Variants in SKAP2 observed in about 807,000 individuals in gnomAD.
SKAP2 encodes the protein src kinase-associated phosphoprotein 2.
A neutral mutation model predicts 54.9 loss-of-function variants in SKAP2; 28 were observed. The observed-to-expected ratio is 0.51, with a 90% CI of 0.38 to 0.70. The LOEUF (loss-of-function observed/expected upper bound fraction) is 0.70. SKAP2 is among the 30% of genes least tolerant of loss of function. The pLI is 0.00. For synonymous variants in SKAP2, 137 were observed against 134.3 expected (o/e 1.02, Z -0.14); for missense variants, 356 against 424.1 (o/e 0.84, Z 1.41).
At chr7:26,857,449 A>G (rs1584430513) in intron 1 of SKAP2, 3 of 984,836 alleles carry the variant, frequency 3.0e-6, no homozygotes, top group African/African-American at 1.7e-5. Flanking sequence ...TCTACACTTT[A>G]CCCGTTTCTT....
chr7:26,659,107 A>G, the SKAP2 span, among the ~76,000 whole-genome samples: 1 of 152,162 alleles, frequency 6.6e-6, no homozygotes, highest in Admixed American at 6.6e-5. Flanking sequence ...ACTGGACATA[A>G]TCTTTATTAA....
chr7:26,658,535 G>C, the SKAP2 span, among the ~76,000 whole-genome samples: 2,240 of 151,734 alleles, frequency 0.015, 58 homozygotes, highest in African/African-American at 0.052. Flanking sequence ...TTTTTTTAAT[G>C]AACAAATACC....
At chr7:26,743,300 T>C (rs924886841) in intron 4 of SKAP2, among the ~76,000 whole-genome samples, 4 of 152,242 alleles carry the variant, frequency 2.6e-5, no homozygotes, top group Non-Finnish European at 5.9e-5. Flanking sequence ...TATTGTTATA[T>C]GTTACTATAA....
intron 9 of SKAP2, among the ~76,000 whole-genome samples, chr7:26,708,506 T>G (rs2127948962): frequency 1.3e-5 from 2 of 152,310 alleles, no homozygotes; most frequent in East Asian, 3.9e-4. Context: ...TATAATCTGG[T>G]CTCTTCCGTA....
rs528756630 is a variant in SKAP2, at chr7:26,819,014, C to A, written c.307+25016G>T. ...TCAACCATTGTGGAAGACAGTATGGCAATTCCTCAAGGATCTGGAACCAGA... is the reference window on the plus strand; with the variant it reads ...TCAACCATTGTGGAAGACAGTATGGAAATTCCTCAAGGATCTGGAACCAGA... On this transcript the variant is annotated intron_variant, in intron 4 of 12. Transcript: ENST00000345317. 2.8e-4 allele frequency among the ~76,000 whole-genome samples: 42 copies of A among 152,238 alleles called. 1 individual carries two copies. In the South Asian group the frequency reaches 8.7e-3, roughly 32 times the overall value.
At chr7:26,753,073 A>G (rs1782719638) in intron 4 of SKAP2, among the ~76,000 whole-genome samples, 1 of 152,238 alleles carries the variant, frequency 6.6e-6, no homozygotes, top group South Asian at 2.1e-4. Context: ...GTTAATGTGT[A>G]GCAGTTTTTC....
chr7:26,764,922 A>C (rs1193859566), intron 4 of SKAP2, among the ~76,000 whole-genome samples: 1 of 152,196 alleles, frequency 6.6e-6, no homozygotes, highest in Non-Finnish European at 1.5e-5. Context: ...CCTATTGTGA[A>C]TAGTGGTGCA....
At chr7:26,810,051 T>C (rs1784110138) in intron 4 of SKAP2, among the ~76,000 whole-genome samples, 1 of 152,076 alleles carries the variant, frequency 6.6e-6, no homozygotes, top group African/African-American at 2.4e-5. Context: ...TGTTAAAAAG[T>C]TGGGCTGGGC....
intron 4 of SKAP2, among the ~76,000 whole-genome samples, chr7:26,830,508 A>G (rs563034344): frequency 1.5e-4 from 23 of 152,256 alleles, no homozygotes; most frequent in African/African-American, 5.1e-4. Flanking sequence ...ATCTCTTTTA[A>G]CTCAATAAAT....
At chr7:26,785,132 T>G (rs1173389863) in intron 4 of SKAP2, among the ~76,000 whole-genome samples, 3 of 152,138 alleles carry the variant, frequency 2.0e-5, no homozygotes, top group Admixed American at 2.0e-4. Flanking sequence ...ACTCTTTCAA[T>G]ATACCCAAGT....
At chr7:26,851,088 T>G (rs556616138) in intron 3 of SKAP2, among the ~76,000 whole-genome samples, 1 of 152,004 alleles carries the variant, frequency 6.6e-6, no homozygotes, top group Non-Finnish European at 1.5e-5. Flanking sequence ...TGCAGCCTAG[T>G]GTTTCAACTA....
In SKAP2 at chr7:26,716,134, T is replaced by C. The variant is rs1267608445; in HGVS notation, c.796+9294A>G. Among the ~76,000 whole-genome samples the C allele has an allele frequency of 2.0e-5, 3 of 152,238 alleles. No individual in the cohort carries two copies. The East Asian group carries it at 5.8e-4, about 29-fold the overall frequency. On this transcript the variant is annotated intron_variant, in intron 9 of 12. Coordinates refer to ENST00000345317, the MANE Select transcript of SKAP2 (RefSeq NM_003930.5). ...AATATTCTCTACTATGCAATGTTACTTTATATCTTTTTGATAGATTATTAA... is the reference window on the plus strand; with the variant it reads ...AATATTCTCTACTATGCAATGTTACCTTATATCTTTTTGATAGATTATTAA...
chr7:26,800,145 T>A (rs1485534611), intron 4 of SKAP2, among the ~76,000 whole-genome samples: 1 of 151,092 alleles, frequency 6.6e-6, no homozygotes, highest in African/African-American at 2.4e-5. Flanking sequence ...TAAAATAAAA[T>A]AAAAACTGAA....
chr7:26,775,694 GC>G (rs770239225), intron 4 of SKAP2, among the ~76,000 whole-genome samples: 30 of 151,686 alleles, frequency 2.0e-4, no homozygotes, highest in Non-Finnish European at 3.4e-4. Flanking sequence ...TCCCTCCCAC[GC>G]CCCCTTCCCT....
At chr7:26,728,475 A>C (rs976301243) in intron 6 of SKAP2, among the ~76,000 whole-genome samples, 1 of 152,160 alleles carries the variant, frequency 6.6e-6, no homozygotes, top group Non-Finnish European at 1.5e-5. Flanking sequence ...CCCAGGATAT[A>C]TTTCGTAAGA....
At chr7:26,842,311 T>C (rs1285136820) in intron 4 of SKAP2, among the ~76,000 whole-genome samples, 1 of 151,564 alleles carries the variant, frequency 6.6e-6, no homozygotes, top group Non-Finnish European at 1.5e-5. Context: ...AAAATAACCT[T>C]TTAACAACAA....
At chr7:26,751,009 T>C (rs1437234957) in intron 4 of SKAP2, among the ~76,000 whole-genome samples, 1 of 152,142 alleles carries the variant, frequency 6.6e-6, no homozygotes, top group Non-Finnish European at 1.5e-5. Flanking sequence ...TTTTTATAAT[T>C]TGTGATATTC....
chr7:26,768,567 T>C (rs1783115982), intron 4 of SKAP2, among the ~76,000 whole-genome samples: 1 of 152,200 alleles, frequency 6.6e-6, no homozygotes, highest in Non-Finnish European at 1.5e-5. Flanking sequence ...GTCTTTACAA[T>C]TTGCTATGTT....
chr7:26,700,652 G>T (rs1220978574), intron 9 of SKAP2, among the ~76,000 whole-genome samples: 2 of 152,190 alleles, frequency 1.3e-5, no homozygotes, highest in Non-Finnish European at 2.9e-5. Flanking sequence ...GCACAATCCT[G>T]AAGAGTCCGC....
Sources: gnomAD v4.1 joint callset for allele counts (sites outside exome capture counted in the v4.1 genomes callset) on GRCh38, gnomAD v4.1.1 for gene constraint, MANE v1.5 for transcripts, NCBI Gene and HGNC (gene_info 2026-07-23, HGNC 2026-07-21) for gene names.